The following HS6ST2 variants were observed in gnomAD, a reference collection of about 807,000 sequenced individuals.
HS6ST2 encodes the protein heparan-sulfate 6-O-sulfotransferase 2.
In HS6ST2, 17 loss-of-function variants were observed where a neutral mutation model predicts 33.0. That is an observed-to-expected ratio of 0.52 (90% confidence interval 0.35 to 0.77). HS6ST2 has a LOEUF of 0.77. HS6ST2 is among the 30% of genes least tolerant of loss of function. HS6ST2 has a pLI of 0.01. For synonymous variants in HS6ST2, 248 were observed against 237.1 expected (o/e 1.05, Z -0.42); for missense variants, 519 against 551.7 (o/e 0.94, Z 0.59).
At chrX:132,727,244 G>T (rs1203150985) in intron 2 of HS6ST2, among the ~76,000 whole-genome samples, 2 of 100,907 alleles carry the variant, frequency 2.0e-5, no homozygotes, top group African/African-American at 7.2e-5. Context: ...ATTGGGGGGG[G>T]GGGCATAGAG....
chrX:132,829,982 G>A (rs2065572658), intron 2 of HS6ST2, among the ~76,000 whole-genome samples: 2 of 111,653 alleles, frequency 1.8e-5, no homozygotes, highest in Admixed American at 1.9e-4. Flanking sequence ...TTTCTTTTGT[G>A]TCTCTCTCCT....
At chrX:132,683,644 T>C (rs1321637502) in intron 3 of HS6ST2, among the ~76,000 whole-genome samples, 2 of 111,371 alleles carry the variant, frequency 1.8e-5, no homozygotes, top group African/African-American at 6.5e-5. Context: ...TGCCTCCCCA[T>C]CCCCACTTGT....
At chrX:132,717,753 C>T (rs563011938) in intron 2 of HS6ST2, among the ~76,000 whole-genome samples, 2 of 111,945 alleles carry the variant, frequency 1.8e-5, no homozygotes, top group Non-Finnish European at 3.8e-5. Flanking sequence ...ACTGGATTAA[C>T]ACTGCTGCTC....
chrX:132,761,036 G>GA (rs1016136217), intron 2 of HS6ST2, among the ~76,000 whole-genome samples: 1 of 110,579 alleles, frequency 9.0e-6, no homozygotes, highest in Non-Finnish European at 1.9e-5. Context: ...AGATATGGGT[G>GA]AAAAAAAATC....
chrX:132,790,882 C>T (rs759551158), intron 2 of HS6ST2, among the ~76,000 whole-genome samples: 3 of 111,974 alleles, frequency 2.7e-5, no homozygotes, highest in East Asian at 5.6e-4. Context: ...TGGCTCAGGC[C>T]TGTAATCTCA....
intron 2 of HS6ST2, among the ~76,000 whole-genome samples, chrX:132,720,463 T>G (rs1455253096): frequency 9.0e-6 from 1 of 111,096 alleles, no homozygotes; most frequent in Admixed American, 9.6e-5. Flanking sequence ...GGTAATGATC[T>G]GGAAACTCAC....
At chrX:132,836,836 G>A (rs1166249594) in intron 2 of HS6ST2, among the ~76,000 whole-genome samples, 3 of 112,405 alleles carry the variant, frequency 2.7e-5, no homozygotes, top group Non-Finnish European at 5.6e-5. Flanking sequence ...TAAGGTCAAG[G>A]AATTTGAACA....
At chrX:132,950,738 T>G (rs1439092867) in intron 2 of HS6ST2, among the ~76,000 whole-genome samples, 1 of 112,299 alleles carries the variant, frequency 8.9e-6, no homozygotes, top group African/African-American at 3.2e-5. Flanking sequence ...CAGTAAAGAT[T>G]TCAACTTTGT....
intron 2 of HS6ST2, among the ~76,000 whole-genome samples, chrX:132,889,856 T>A (rs181748945): frequency 5.5e-4 from 61 of 111,377 alleles, no homozygotes; most frequent in African/African-American, 1.9e-3. Flanking sequence ...AAAGAACATA[T>A]CTGGAGGCAT....
chrX:132,835,902 C>G (rs2065638438), intron 2 of HS6ST2, among the ~76,000 whole-genome samples: 1 of 111,725 alleles, frequency 9.0e-6, no homozygotes, highest in Non-Finnish European at 1.9e-5. Flanking sequence ...GGTGACAGAG[C>G]AAGACTGTCT....
At chrX:132,637,870 TATATA>T (rs1461839059) in intron 4 of HS6ST2, among the ~76,000 whole-genome samples, 5 of 41,425 alleles carry the variant, frequency 1.2e-4, no homozygotes, top group African/African-American at 7.8e-4. Context: ...TAATATATTA[TATATA>T]ATATATATAT....
chrX:132,871,899 C>T (rs1475064218), intron 2 of HS6ST2, among the ~76,000 whole-genome samples: 2 of 110,935 alleles, frequency 1.8e-5, no homozygotes, highest in Non-Finnish European at 3.8e-5. Context: ...CTGAACGTTC[C>T]GCACATGTAT....
chrX:132,636,454 A>G (rs1412200089), intron 4 of HS6ST2, among the ~76,000 whole-genome samples: 1 of 112,114 alleles, frequency 8.9e-6, no homozygotes, highest in Non-Finnish European at 1.9e-5. Context: ...TAAATGGTTA[A>G]AAACAAGAAT....
chrX:132,820,758 T>G (rs922103675), intron 2 of HS6ST2, among the ~76,000 whole-genome samples: 1 of 16,115 alleles, frequency 6.2e-5, no homozygotes, highest in Non-Finnish European at 1.1e-4. Context: ...CAACCACGAG[T>G]TGGATCAAGG....
chrX:132,757,480 G>A (rs968369102), intron 2 of HS6ST2, among the ~76,000 whole-genome samples: 10 of 111,345 alleles, frequency 9.0e-5, no homozygotes, highest in African/African-American at 3.3e-4. Flanking sequence ...AATATGATTC[G>A]TGGCACCTGG....
chrX:132,925,917 A>G (rs1193624221), intron 2 of HS6ST2, among the ~76,000 whole-genome samples: 1 of 111,754 alleles, frequency 8.9e-6, no homozygotes, highest in Non-Finnish European at 1.9e-5. Context: ...CTCCTTTTAC[A>G]AATGAGGAAA....
intron 2 of HS6ST2, among the ~76,000 whole-genome samples, chrX:132,746,371 C>T (rs1011515196): frequency 3.6e-5 from 4 of 110,286 alleles, no homozygotes; most frequent in Non-Finnish European, 3.8e-5. Flanking sequence ...GGCGTGGTGG[C>T]GGGCGCCTGT....
At chrX:132,707,512 G>A (rs1386337369) in intron 3 of HS6ST2, among the ~76,000 whole-genome samples, 2 of 112,504 alleles carry the variant, frequency 1.8e-5, no homozygotes, top group Non-Finnish European at 3.8e-5. Flanking sequence ...GGCTCAAGTA[G>A]TCTATTTTAA....
At chrX:132,720,995 A>G (rs1182049670) in intron 2 of HS6ST2, among the ~76,000 whole-genome samples, 1 of 111,732 alleles carries the variant, frequency 8.9e-6, no homozygotes, top group East Asian at 2.8e-4. Context: ...AGATTCCAAC[A>G]CCCACTTTCA....
Sources: gnomAD v4.1 joint callset for allele counts (sites outside exome capture counted in the v4.1 genomes callset) on GRCh38, gnomAD v4.1.1 for gene constraint, MANE v1.5 for transcripts, NCBI Gene and HGNC (gene_info 2026-07-23, HGNC 2026-07-21) for gene names.